Variants in VGLL4 observed in about 807,000 individuals in gnomAD.
VGLL4 encodes the protein transcription cofactor vestigial-like protein 4.
VGLL4 carries 7 observed loss-of-function variants against 21.0 expected under a neutral mutation model. The observed-to-expected ratio is 0.33, with a 90% CI of 0.19 to 0.63. VGLL4 has a LOEUF of 0.63. Ranked by LOEUF, VGLL4 falls within the 20% of genes least tolerant of loss-of-function variation. The pLI is 0.78. For synonymous variants in VGLL4, 222 were observed against 173.2 expected, an observed-to-expected ratio of 1.28 and a Z score of -2.21; for missense variants, 394 against 425.7, an observed-to-expected ratio of 0.93 and a Z score of 0.66.
At position 11,568,460 on chromosome 3, in the gene VGLL4, G is replaced by A; in HGVS notation, c.273-3441C>T. ...ACCCTACGCAGGGCAGCAGGGAGAA[G>A]GGGACTTCCAGGCCCACTAACTGGA... is the stretch of plus-strand genomic sequence containing the variant. On this transcript the variant is annotated intron_variant, in intron 2 of 4. Coordinates refer to ENST00000430365, the MANE Select transcript of VGLL4 (RefSeq NM_001128219.3). The surrounding 1 kb of genome is among the most constrained non-coding windows in gnomAD (Gnocchi z 5.9). 8.7e-7 allele frequency: 1 copy of A among 1,155,642 alleles called. No homozygotes were observed. The highest frequency in any genetic ancestry group is 1.5e-5 in the South Asian group (1 of 68,596). The allele number at this position is 1,155,642 out of a possible 1,614,324, so 71.6% of individuals were successfully genotyped here.
At chr3:11,582,275 T>TTGGTACTAACCC (rs1559878185) in intron 2 of VGLL4, 1 of 1,606,166 alleles carries the variant, frequency 6.2e-7, no homozygotes, top group East Asian at 2.2e-5. Flanking sequence ...GAAAGGGTTC[T>TTGGTACTAACCC]TGGTACTAAC....
At chr3:11,651,057 G>A (rs1559924141) in intron 2 of VGLL4, among the ~76,000 whole-genome samples, 1 of 152,036 alleles carries the variant, frequency 6.6e-6, no homozygotes. Flanking sequence ...CATAGAAAAG[G>A]GTTTAAGGGA....
rs1327570899 is a variant in VGLL4 at position 11,719,290 on chromosome 3, G to A, written c.-14+1104C>T. ...GGCGCCTCCCGAGCGGCCCGGCAAG[G>A]ACCCGCCACCTCCTCCCTCCCGCAG... On this transcript the variant is annotated intron_variant, in intron 1 of 5. Coordinates refer to the VGLL4 transcript ENST00000273038. The surrounding 1 kb of genome is among the most constrained non-coding windows in gnomAD (Gnocchi z 4.0). 2 of 152,342 alleles carry A rather than the reference G, an allele frequency of 1.3e-5. No individual in the cohort carries two copies. Among genetic ancestry groups the A allele is most frequent in the Non-Finnish European group, 2.9e-5 (2 of 68,258 alleles). 9.4% of individuals were successfully genotyped at this position (152,342 alleles called of 1,614,324 possible). A position where few individuals can be genotyped will look rare whatever the true frequency, so the allele number is the denominator to read the frequency against.
rs773548637 is a variant in VGLL4 at position 11,557,194 on chromosome 3, ATGCT to A, written c.*1358_*1361del. The A allele has an allele frequency of 6.5e-6, 1 of 152,794 alleles. No individual in the cohort carries two copies. The highest frequency in any genetic ancestry group is 1.5e-5 in the Non-Finnish European group (1 of 68,052). The allele number at this position is 152,794 out of a possible 1,614,324, so 9.5% of individuals were successfully genotyped here. A position where few individuals can be genotyped will look rare whatever the true frequency, so the allele number is the denominator to read the frequency against. Reference sequence around the variant, plus strand: ...TGTGACCTCCACAGCTGTGTCTGTCATGCTTGCTTCATCTAATTTCTAGTTAGTA... The same window carrying A: ...TGTGACCTCCACAGCTGTGTCTGTCATGCTTCATCTAATTTCTAGTTAGTA... On this transcript the variant is annotated 3_prime_UTR_variant, in exon 5 of 5. Transcript: ENST00000430365.
At chr3:11,576,314 G>A (rs77012576) in intron 2 of VGLL4, among the ~76,000 whole-genome samples, 2,879 of 152,318 alleles carry the variant, frequency 0.019, 91 homozygotes, top group African/African-American at 0.065. Context: ...GAATGGAGAT[G>A]TTGCTGAGAT....
chr3:11,689,493 T>C (rs1166731208), intron 2 of VGLL4, among the ~76,000 whole-genome samples: 1 of 152,240 alleles, frequency 6.6e-6, no homozygotes. Context: ...TTCTAAAAGA[T>C]CTTTTTTCAC....
intron 2 of VGLL4, among the ~76,000 whole-genome samples, chr3:11,702,198 T>C (rs2076690010): frequency 6.6e-6 from 1 of 152,178 alleles, no homozygotes; most frequent in African/African-American, 2.4e-5. Context: ...AACTAACACA[T>C]ATTTATCTCA....
chr3:11,565,138 G>A lies in VGLL4; in HGVS notation c.273-119C>T. On this transcript the variant is annotated intron_variant, in intron 2 of 4. Coordinates refer to ENST00000430365, the MANE Select transcript of VGLL4 (RefSeq NM_001128219.3). The surrounding 1 kb of genome is among the most constrained non-coding windows in gnomAD (Gnocchi z 4.1). ...TTTTACCCTGAAGCTCAGGTCGTGTGGCTGGGCAGCACGATGAGGAGCCGG... is the reference window on the plus strand; with the variant it reads ...TTTTACCCTGAAGCTCAGGTCGTGTAGCTGGGCAGCACGATGAGGAGCCGG... The A allele has an allele frequency of 9.6e-7, 1 of 1,044,918 alleles. No homozygotes were observed. Among genetic ancestry groups the A allele is most frequent in the East Asian group, 3.2e-5 (1 of 30,840 alleles). The allele number at this position is 1,044,918 out of a possible 1,614,324, so 64.7% of individuals were successfully genotyped here.
At chr3:11,700,485 C>T (rs957914227) in intron 2 of VGLL4, among the ~76,000 whole-genome samples, 1 of 152,188 alleles carries the variant, frequency 6.6e-6, no homozygotes, top group Non-Finnish European at 1.5e-5. Flanking sequence ...TACAGTCTTA[C>T]AGTGGCTGCT....
intron 2 of VGLL4, among the ~76,000 whole-genome samples, chr3:11,569,744 T>A (rs2073700896): frequency 6.6e-6 from 1 of 152,184 alleles, no homozygotes; most frequent in Non-Finnish European, 1.5e-5. Context: ...TGGCTGGGCA[T>A]GGTGACGTGC....
At chr3:11,701,300 C>T (rs955621497) in intron 2 of VGLL4, among the ~76,000 whole-genome samples, 4 of 152,138 alleles carry the variant, frequency 2.6e-5, no homozygotes, top group Non-Finnish European at 5.9e-5. Flanking sequence ...TGTGACATGC[C>T]TGCTCTCCGT....
intron 2 of VGLL4, among the ~76,000 whole-genome samples, chr3:11,598,951 T>C (rs2074712837): frequency 6.6e-6 from 1 of 152,250 alleles, no homozygotes; most frequent in Non-Finnish European, 1.5e-5. Flanking sequence ...AGGCTATTCC[T>C]TTTCAAATAA....
intron 2 of VGLL4, among the ~76,000 whole-genome samples, chr3:11,579,518 C>A (rs1356455256): frequency 6.6e-6 from 1 of 152,138 alleles, no homozygotes; most frequent in East Asian, 1.9e-4. Context: ...CTAGATGCAA[C>A]CCCCTGGCTA....
At chr3:11,701,787 T>A (rs1004317100) in intron 2 of VGLL4, among the ~76,000 whole-genome samples, 1 of 152,260 alleles carries the variant, frequency 6.6e-6, no homozygotes, top group South Asian at 2.1e-4. Flanking sequence ...CGAGAACTTA[T>A]AATGTATAAA....
chr3:11,714,036 A>G (rs974326065), intron 1 of VGLL4, among the ~76,000 whole-genome samples: 13 of 152,194 alleles, frequency 8.5e-5, no homozygotes, highest in African/African-American at 2.7e-4. Context: ...GCCACCACAC[A>G]GTGACAAAAA....
intron 2 of VGLL4, among the ~76,000 whole-genome samples, chr3:11,584,744 T>C (rs1432805783): frequency 6.6e-6 from 1 of 151,410 alleles, no homozygotes; most frequent in Non-Finnish European, 1.5e-5. Context: ...ACTGGAAAGA[T>C]ACTGTGATAT....
chr3:11,693,170 C>CA (rs538382229), intron 2 of VGLL4: 1,564 of 140,568 alleles, frequency 0.011, no homozygotes, highest in South Asian at 0.043. Flanking sequence ...GACCCTGTCT[C>CA]AAAAAAAAAA....
chr3:11,699,651 A>C (rs1431689212), intron 2 of VGLL4: 1 of 152,200 alleles, frequency 6.6e-6, no homozygotes, highest in Non-Finnish European at 1.5e-5. Context: ...TACAAAAAAA[A>C]GAAATAGAAA....
At chr3:11,588,428 T>C (rs554101640) in intron 2 of VGLL4, among the ~76,000 whole-genome samples, 3 of 152,320 alleles carry the variant, frequency 2.0e-5, no homozygotes, top group South Asian at 2.1e-4. Context: ...AGGCCCCCAG[T>C]TGGGCTGCAG....
Sources: gnomAD v4.1 joint callset for allele counts (sites outside exome capture counted in the v4.1 genomes callset) on GRCh38, gnomAD v4.1.1 for gene constraint, Gnocchi (gnomAD v3.1) non-coding constraint, MANE v1.5 for transcripts, NCBI Gene and HGNC (gene_info 2026-07-23, HGNC 2026-07-21) for gene names.